The following B3GALT1 variants were observed in gnomAD, a reference collection of about 807,000 sequenced individuals.
The protein encoded by B3GALT1 is UDP-Gal:betaGlcNAc beta 1,3-galactosyltransferase, polypeptide 1.
In B3GALT1, 10 loss-of-function variants were observed where a neutral mutation model predicts 23.2. The ratio of observed to expected loss-of-function variants is 0.43; its 90% confidence interval spans 0.27 to 0.73. B3GALT1 has a LOEUF of 0.73. Ranked by LOEUF, B3GALT1 falls within the 30% of genes least tolerant of loss-of-function variation. The probability of loss-of-function intolerance (pLI) is 0.21; values close to 1 mark genes in which losing one functional copy is unlikely to be tolerated. For missense variants in B3GALT1, 299 were observed against 405.4 expected (o/e 0.74, Z 2.25); for synonymous variants, 156 against 141.5 (o/e 1.10, Z -0.73).
chr2:167,325,719 T>C lies in B3GALT1; in HGVS notation c.-511+32385T>C, dbSNP rs200758756. ...CCTGTTTTCTTTTTTTTTTTTTTTT[T>C]TTTTTTTTCTTTTTTCGAGATAGAT... On this transcript the variant is annotated intron_variant, in intron 1 of 4. Transcript: ENST00000392690. 4.4e-3 allele frequency among the ~76,000 whole-genome samples: 574 copies of C among 129,328 alleles called. 23 individuals are homozygous for C. The East Asian group carries it at 0.072, about 16-fold the overall frequency. The allele number at this position is 129,328 out of a possible 152,430, so 84.8% of individuals were successfully genotyped here. A position where few individuals can be genotyped will look rare whatever the true frequency, so the allele number is the denominator to read the frequency against.
At chr2:167,331,921 G>T (rs865806675) in intron 1 of B3GALT1, among the ~76,000 whole-genome samples, 3 of 152,200 alleles carry the variant, frequency 2.0e-5, no homozygotes, top group African/African-American at 4.8e-5. Context: ...GTTGTAGGCA[G>T]TGGAATTTGT....
At chr2:167,759,825 A>C (rs947214516) in intron 3 of B3GALT1, among the ~76,000 whole-genome samples, 4 of 152,128 alleles carry the variant, frequency 2.6e-5, no homozygotes, top group African/African-American at 9.7e-5. Flanking sequence ...TATCTTGCAA[A>C]GTGTGTATCT....
intron 2 of B3GALT1, among the ~76,000 whole-genome samples, chr2:167,563,891 C>A (rs1297650605): frequency 6.1e-4 from 2 of 3,266 alleles, no homozygotes; most frequent in African/African-American, 1.9e-3. Flanking sequence ...GACGGGGCGG[C>A]CGGCCGGGCG....
intron 1 of B3GALT1, among the ~76,000 whole-genome samples, chr2:167,460,619 A>ATT (rs142888333): frequency 3.4e-5 from 5 of 145,990 alleles, no homozygotes; most frequent in African/African-American, 1.0e-4. Flanking sequence ...GACAGTTTCT[A>ATT]TTTTTTTTTT....
At chr2:167,426,021 C>T (rs962719148) in intron 1 of B3GALT1, among the ~76,000 whole-genome samples, 1 of 152,030 alleles carries the variant, frequency 6.6e-6, no homozygotes, top group African/African-American at 2.4e-5. Flanking sequence ...TTCAAAGAAA[C>T]AATCCAAGGA....
At chr2:167,625,942 C>CATATATATATATAT (rs10522850) in intron 2 of B3GALT1, among the ~76,000 whole-genome samples, 12 of 118,434 alleles carry the variant, frequency 1.0e-4, no homozygotes, top group East Asian at 3.8e-4. Flanking sequence ...ATGACTAGGC[C>CATATATATATATAT]ATATATATAT....
chr2:167,717,629 TAA>T (rs1406131263), intron 3 of B3GALT1, among the ~76,000 whole-genome samples: 3 of 152,240 alleles, frequency 2.0e-5, no homozygotes, highest in African/African-American at 7.2e-5. Flanking sequence ...TATTTGACAT[TAA>T]GTTATGATAT....
intron 1 of B3GALT1, among the ~76,000 whole-genome samples, chr2:167,351,302 C>G (rs961310695): frequency 6.6e-6 from 1 of 150,760 alleles, no homozygotes; most frequent in Non-Finnish European, 1.5e-5. Flanking sequence ...AAAAAAACCA[C>G]ACACAAAAAC....
intron 2 of B3GALT1, among the ~76,000 whole-genome samples, chr2:167,512,540 ATATATG>A (rs1411082463): frequency 2.6e-5 from 2 of 75,876 alleles, no homozygotes; most frequent in African/African-American, 1.4e-4. Flanking sequence ...GTGTGTATAT[ATATATG>A]TATATATATG....
intron 3 of B3GALT1, among the ~76,000 whole-genome samples, chr2:167,782,769 C>T (rs1458952082): frequency 2.0e-5 from 3 of 152,110 alleles, no homozygotes; most frequent in Non-Finnish European, 4.4e-5. Flanking sequence ...TTCTAAAAAC[C>T]TTAAATTGTT....
intron 1 of B3GALT1, among the ~76,000 whole-genome samples, chr2:167,417,490 T>C (rs1337877706): frequency 6.6e-6 from 1 of 152,202 alleles, no homozygotes; most frequent in African/African-American, 2.4e-5. Flanking sequence ...ATTACTCCTT[T>C]TTAGGTGTTC....
At chr2:167,611,768 G>A (rs925267572) in intron 2 of B3GALT1, among the ~76,000 whole-genome samples, 1 of 151,710 alleles carries the variant, frequency 6.6e-6, no homozygotes, top group Middle Eastern at 3.2e-3. Context: ...CCGTTGATAC[G>A]ATGGTAAAAT....
intron 1 of B3GALT1, among the ~76,000 whole-genome samples, chr2:167,348,575 T>G (rs991519067): frequency 3.9e-5 from 6 of 152,192 alleles, no homozygotes; most frequent in African/African-American, 1.2e-4. Context: ...AGGCCTTCTA[T>G]GAACTAGTTT....
intron 4 of B3GALT1, among the ~76,000 whole-genome samples, chr2:167,831,740 G>A (rs1398378051): frequency 6.6e-6 from 1 of 152,164 alleles, no homozygotes; most frequent in Non-Finnish European, 1.5e-5. Flanking sequence ...AAATATAAAT[G>A]AGGAAGAGAG....
intron 2 of B3GALT1, among the ~76,000 whole-genome samples, chr2:167,518,644 A>T (rs1409217315): frequency 6.6e-6 from 1 of 152,190 alleles, no homozygotes; most frequent in Non-Finnish European, 1.5e-5. Context: ...ATGGGCGTCT[A>T]TTCAGATGCA....
At position 167,369,064 on chromosome 2, in the gene B3GALT1, TG is replaced by T. The variant is rs1484682369; in HGVS notation, c.-511+75731del. Among the ~76,000 whole-genome samples the T allele has an allele frequency of 0.015, 88 of 5,876 alleles. No homozygotes were observed. In the East Asian group the frequency reaches 0.31, roughly 21 times the overall value. The allele number at this position is 5,876 out of a possible 152,430, so 3.9% of individuals were successfully genotyped here. A position where few individuals can be genotyped will look rare whatever the true frequency, so the allele number is the denominator to read the frequency against. ...ATTGGGAAGATAAAACTCTTATTTG[TG>T]TGTGTGTGTGTGTGTGTGTGTGTGT... On this transcript the variant is annotated intron_variant, in intron 1 of 4. Transcript: ENST00000392690.
At chr2:167,778,324 C>T (rs925894760) in intron 3 of B3GALT1, among the ~76,000 whole-genome samples, 11 of 152,014 alleles carry the variant, frequency 7.2e-5, no homozygotes, top group Admixed American at 5.9e-4. Context: ...CACCAACTCC[C>T]CCATTTCAAT....
At chr2:167,435,047 T>C (rs1698761249) in intron 1 of B3GALT1, among the ~76,000 whole-genome samples, 1 of 152,080 alleles carries the variant, frequency 6.6e-6, no homozygotes, top group African/African-American at 2.4e-5. Context: ...CCATAATCCT[T>C]AATGATTTTG....
intron 1 of B3GALT1, among the ~76,000 whole-genome samples, chr2:167,435,178 A>G (rs1397014476): frequency 2.6e-5 from 4 of 151,962 alleles, no homozygotes; most frequent in Admixed American, 2.6e-4. Flanking sequence ...AGATACATAC[A>G]TTTTTTAGGC....
Sources: allele counts gnomAD v4.1 joint callset (sites outside exome capture counted in the v4.1 genomes callset), GRCh38; gene constraint gnomAD v4.1.1; transcripts MANE v1.5; gene names NCBI Gene and HGNC (gene_info 2026-07-23, HGNC 2026-07-21).